TRAF3IP2: variants seen among roughly 807,000 people sequenced by gnomAD.
TRAF3IP2 encodes E3 ubiquitin ligase TRAF3IP2.
In TRAF3IP2, 35 loss-of-function variants were observed where a neutral mutation model predicts 57.9. The ratio of observed to expected loss-of-function variants is 0.60; its 90% confidence interval spans 0.46 to 0.80. The LOEUF (loss-of-function observed/expected upper bound fraction) is 0.80. TRAF3IP2 is among the 30% of genes least tolerant of loss of function. The pLI is 0.00. For synonymous variants in TRAF3IP2, 251 were observed against 268.9 expected, an observed-to-expected ratio of 0.93 and a Z score of 0.65; for missense variants, 556 against 706.4, an observed-to-expected ratio of 0.79 and a Z score of 2.41.
chr6:111,567,200 G>A, intron 6 of TRAF3IP2: 3 of 1,002,616 alleles, frequency 3.0e-6, no homozygotes, highest in South Asian at 4.4e-5. Flanking sequence ...CAAATCACGG[G>A]GCTGCACGTG....
intron 2 of TRAF3IP2, among the ~76,000 whole-genome samples, chr6:111,582,459 G>A (rs1796196706): frequency 6.6e-6 from 1 of 152,134 alleles, no homozygotes; most frequent in Non-Finnish European, 1.5e-5. Context: ...GGGACTTGAA[G>A]GGACTGTTCT....
chr6:111,564,228 C>G (rs1434059260), intron 7 of TRAF3IP2, among the ~76,000 whole-genome samples: 1 of 152,028 alleles, frequency 6.6e-6, no homozygotes, highest in Non-Finnish European at 1.5e-5. Context: ...TTTTCGGAAC[C>G]ACCTCTCTCT....
In TRAF3IP2 at chr6:111,566,678, C is replaced by T. The variant is rs1795651130; in HGVS notation, c.1360-118G>A. The T allele has an allele frequency of 4.5e-6, 4 of 893,362 alleles. No homozygotes were observed. The East Asian group carries it at 9.6e-5, about 21-fold the overall frequency. The allele number at this position is 893,362 out of a possible 1,614,324, so 55.3% of individuals were successfully genotyped here. On this transcript the variant is annotated intron_variant, in intron 6 of 8. Transcript: ENST00000368761. Reference sequence around the variant, plus strand: ...TCTCCATAGAAAGAGAAGCACTGGCCCCCACTCAGGCAGACTCTTATCTCT... The same window carrying T: ...TCTCCATAGAAAGAGAAGCACTGGCTCCCACTCAGGCAGACTCTTATCTCT...
At chr6:111,592,496 G>GT (rs984760887) in intron 1 of TRAF3IP2, among the ~76,000 whole-genome samples, 82 of 152,234 alleles carry the variant, frequency 5.4e-4, no homozygotes, top group East Asian at 2.1e-3. Context: ...GATATATTGA[G>GT]TTTTTTTTAA....
At chr6:111,595,924 C>A (rs577205392) in intron 1 of TRAF3IP2, among the ~76,000 whole-genome samples, 10 of 152,216 alleles carry the variant, frequency 6.6e-5, no homozygotes, top group African/African-American at 2.2e-4. Flanking sequence ...TTGCTGTGAT[C>A]CAGCCTAAGA....
chr6:111,599,391 C>T (rs532801169), intron 1 of TRAF3IP2, among the ~76,000 whole-genome samples: 2 of 152,154 alleles, frequency 1.3e-5, no homozygotes, highest in Non-Finnish European at 2.9e-5. Flanking sequence ...TACTCTGCCC[C>T]GAGCTGCCTA....
intron 1 of TRAF3IP2, among the ~76,000 whole-genome samples, chr6:111,593,036 GA>G (rs1796568922): frequency 2.0e-5 from 3 of 152,212 alleles, no homozygotes; most frequent in African/African-American, 7.2e-5. Flanking sequence ...CAATGAGAAA[GA>G]AAACCAGTCT....
At chr6:111,586,921 G>C (rs1562430969) in intron 2 of TRAF3IP2, 1 of 152,200 alleles carries the variant, frequency 6.6e-6, no homozygotes, top group Non-Finnish European at 1.5e-5. Flanking sequence ...AAAGCTGTTA[G>C]TATTGAGGGC....
chr6:111,559,283 G>A lies in TRAF3IP2; in HGVS notation c.*122C>T. The stretch of plus-strand genomic sequence containing the variant: ...ACAACAGGTTTCCTGGGGGCCAGAG[G>A]GCCTCTCGGGGAGGAACAGAAAAAA... On this transcript the variant is annotated 3_prime_UTR_variant, in exon 9 of 9. Coordinates refer to ENST00000368761, the MANE Select transcript of TRAF3IP2 (RefSeq NM_147686.4). 1 of 1,363,410 alleles carries A rather than the reference G, an allele frequency of 7.3e-7. No individual in the cohort carries two copies. The highest frequency in any genetic ancestry group is 1.4e-5 in the South Asian group (1 of 69,898). 84.5% of individuals were successfully genotyped at this position (1,363,410 alleles called of 1,614,324 possible). A position where few individuals can be genotyped will look rare whatever the true frequency, so the allele number is the denominator to read the frequency against.
intron 2 of TRAF3IP2, among the ~76,000 whole-genome samples, chr6:111,582,636 TCA>T (rs1796202708): frequency 6.6e-6 from 1 of 152,114 alleles, no homozygotes; most frequent in African/African-American, 2.4e-5. Flanking sequence ...CTCCTTTCCC[TCA>T]GTTTAAAAAA....
rs1795507132 is a variant in TRAF3IP2 at position 111,563,125 on chromosome 6, AT to A, written c.1477-87del. On this transcript the variant is annotated intron_variant, in intron 7 of 8. Coordinates refer to ENST00000368761, the MANE Select transcript of TRAF3IP2 (RefSeq NM_147686.4). ...CCATAATCATGCACGTCCACATGGC[AT>A]TTTTATTCTGATTTCCATACTTGAG... 1.5e-5 allele frequency: 15 copies of A among 968,362 alleles called. No individual in the cohort carries two copies. In the South Asian group the frequency reaches 2.0e-4, roughly 13 times the overall value. 60.0% of individuals were successfully genotyped at this position (968,362 alleles called of 1,614,324 possible).
chr6:111,579,470 T>A (rs1261822293), intron 3 of TRAF3IP2, among the ~76,000 whole-genome samples: 1 of 152,182 alleles, frequency 6.6e-6, no homozygotes, highest in Non-Finnish European at 1.5e-5. Context: ...CAGTGGCTCA[T>A]GCCTGTAATA....
intron 5 of TRAF3IP2, among the ~76,000 whole-genome samples, chr6:111,569,774 A>T (rs976007979): frequency 3.3e-5 from 5 of 152,168 alleles, no homozygotes; most frequent in African/African-American, 4.8e-5. Flanking sequence ...TTAAATAAAT[A>T]AAAAATAGTG....
rs9384797 is a variant in TRAF3IP2 at position 111,558,720 on chromosome 6, T to C, written c.*685A>G. The stretch of plus-strand genomic sequence containing the variant: ...AAAGTGCTGGGATTACAGGTGTGAG[T>C]CACTGCGCCCAGCCTAAAAATCTTT... On this transcript the variant is annotated 3_prime_UTR_variant, in exon 9 of 9. Transcript: ENST00000368761. The C allele has an allele frequency of 0.85, 130,151 of 152,248 alleles. 56,178 individuals carry two copies. The highest frequency in any genetic ancestry group is 1 in the East Asian group (5,166 of 5,174). The allele number at this position is 152,248 out of a possible 1,614,324, so 9.4% of individuals were successfully genotyped here. A position where few individuals can be genotyped will look rare whatever the true frequency, so the allele number is the denominator to read the frequency against.
chr6:111,605,547 G>A (rs561694530), intron 1 of TRAF3IP2, among the ~76,000 whole-genome samples: 13 of 152,342 alleles, frequency 8.5e-5, no homozygotes, highest in African/African-American at 3.1e-4. Flanking sequence ...TTAACCCGGC[G>A]GGGCTCGCTG....
rs570080786 is a variant in TRAF3IP2 at position 111,573,093 on chromosome 6, C to T, written c.1202-110G>A. The stretch of plus-strand genomic sequence containing the variant: ...GTCCTTCTAGAATAATAAGAGGAAA[C>T]CTTGGGCTTGGGGTGCTCTAAGAGC... On this transcript the variant is annotated intron_variant, in intron 4 of 8. Transcript: ENST00000368761. 10 of 907,244 alleles carry T rather than the reference C, an allele frequency of 1.1e-5. No individual in the cohort carries two copies. The South Asian group carries it at 1.1e-4, about 10-fold the overall frequency. 56.2% of individuals were successfully genotyped at this position (907,244 alleles called of 1,614,324 possible).
chr6:111,574,697 C>A (rs1321536384), intron 4 of TRAF3IP2: 1 of 152,132 alleles, frequency 6.6e-6, no homozygotes, highest in East Asian at 1.9e-4. Flanking sequence ...ACATGGACAT[C>A]CAATCAATTT....
chr6:111,555,685 T>C lies in TRAF3IP2; in HGVS notation c.*3720A>G, dbSNP rs900133270. 2.6e-5 allele frequency among the ~76,000 whole-genome samples: 4 copies of C among 152,182 alleles called. No homozygotes were observed. Among genetic ancestry groups the C allele is most frequent in the African/African-American group, 9.7e-5 (4 of 41,434 alleles). ...AGCCTTTGGGCTAAGAGGTTATTTT[T>C]ACTAAGTCAGCCCTACCCCACTTCC... On this transcript the variant is annotated 3_prime_UTR_variant, in exon 9 of 9. Transcript: ENST00000368761.
chr6:111,594,463 C>T (rs1025728982), intron 1 of TRAF3IP2: 5 of 447,294 alleles, frequency 1.1e-5, no homozygotes, highest in Middle Eastern at 3.6e-4. Flanking sequence ...ACCTTAGAAG[C>T]GCTTTTCTAC....
Sources: gnomAD v4.1 joint callset for allele counts (sites outside exome capture counted in the v4.1 genomes callset) on GRCh38, gnomAD v4.1.1 for gene constraint, MANE v1.5 for transcripts, NCBI Gene and HGNC (gene_info 2026-07-23, HGNC 2026-07-21) for gene names.